ACKR3: variants seen among roughly 807,000 people sequenced by gnomAD.
The protein encoded by ACKR3 is atypical chemokine receptor 3, also known as C-X-C chemokine receptor type 7.
Under a neutral mutation model 22.4 loss-of-function variants are expected in ACKR3, and 6 were observed. The observed-to-expected ratio is 0.27, with a 90% CI of 0.15 to 0.53. ACKR3 has a LOEUF of 0.53. ACKR3 is among the 20% of genes least tolerant of loss of function. The probability of loss-of-function intolerance (pLI) is 0.96; values close to 1 mark genes in which losing one functional copy is unlikely to be tolerated. For missense variants in ACKR3, 396 were observed against 475.2 expected, an observed-to-expected ratio of 0.83 and a Z score of 1.55; for synonymous variants, 209 against 205.2, an observed-to-expected ratio of 1.02 and a Z score of -0.16.
the ACKR3 span, among the ~76,000 whole-genome samples, chr2:236,543,422 A>T: frequency 3.3e-5 from 5 of 152,196 alleles, no homozygotes; most frequent in African/African-American, 1.2e-4. Flanking sequence ...ACTCTGCAGG[A>T]GGTGGTGAAG....
chr2:236,566,702 T>G (rs28452030), upstream of ACKR3, among the ~76,000 whole-genome samples: 26,232 of 148,834 alleles, frequency 0.18, 6,193 homozygotes, highest in African/African-American at 0.54. Context: ...TCTGTCCCTC[T>G]TTCCTTCCTT....
the ACKR3 span, among the ~76,000 whole-genome samples, chr2:236,539,313 T>C: frequency 8.6e-5 from 12 of 139,980 alleles, no homozygotes; most frequent in Admixed American, 1.4e-4. Context: ...TTTCTTTTTT[T>C]TTTTTTTTTT....
chr2:236,546,151 A>T, the ACKR3 span, among the ~76,000 whole-genome samples: 1 of 152,244 alleles, frequency 6.6e-6, no homozygotes, highest in Non-Finnish European at 1.5e-5. The surrounding 1 kb of genome is among the most constrained non-coding windows in gnomAD (Gnocchi z 4.9). Context: ...TCTTGGTCCC[A>T]GGAGAAGCTA....
chr2:236,557,019 G>A, the ACKR3 span, among the ~76,000 whole-genome samples: 171 of 152,282 alleles, frequency 1.1e-3, 1 homozygote, highest in South Asian at 2.1e-3. Context: ...TAACATTATG[G>A]TGATTTGTTT....
In ACKR3 at chr2:236,581,150, G is replaced by C; in HGVS notation, c.685G>C (p.Ala229Pro). The C allele has an allele frequency of 1.9e-6, 3 of 1,614,086 alleles. No homozygotes were observed. Among genetic ancestry groups the C allele is most frequent in the Non-Finnish European group, 2.5e-6 (3 of 1,180,008 alleles). The change falls in exon 2 of 2, where the codon GCT (alanine) becomes CCT (proline). Residue 229 changes from alanine (A) to proline (P), a missense_variant. Physicochemically the swap from Ala to Pro is conservative, Grantham distance 27. Coordinates refer to ENST00000272928, the MANE Select transcript of ACKR3 (RefSeq NM_020311.3). The surrounding 1 kb of genome is among the most constrained non-coding windows in gnomAD (Gnocchi z 4.4). The stretch of plus-strand genomic sequence containing the variant: ...CTTTGCCGTTCCCTTCTCCATTATC[G>C]CTGTCTTCTACTTCCTGCTGGCCAG... ...LGFAVPFSIIAVFYFLLARAI... is the reference protein window; with the variant it reads ...LGFAVPFSIIPVFYFLLARAI...
chr2:236,546,632 G>A, the ACKR3 span, among the ~76,000 whole-genome samples: 1 of 152,222 alleles, frequency 6.6e-6, no homozygotes. This position sits in a 1 kb window ranked among gnomAD's most constrained non-coding sequence, Gnocchi z 4.9. Context: ...ACTACAGGAA[G>A]AGAGGGTTGG....
the ACKR3 span, among the ~76,000 whole-genome samples, chr2:236,553,304 G>A: frequency 1.3e-5 from 2 of 152,352 alleles, no homozygotes; most frequent in East Asian, 3.9e-4. Context: ...TAGACCTGGA[G>A]GGGCAGATGG....
the ACKR3 span, among the ~76,000 whole-genome samples, chr2:236,553,203 C>T: frequency 2.6e-5 from 4 of 152,252 alleles, no homozygotes; most frequent in East Asian, 7.7e-4. Flanking sequence ...TCCTCCTCCC[C>T]CCTGCTGAGG....
chr2:236,540,935 T>A, the ACKR3 span, among the ~76,000 whole-genome samples: 4 of 152,262 alleles, frequency 2.6e-5, no homozygotes, highest in Non-Finnish European at 5.9e-5. Flanking sequence ...AAATACCTGT[T>A]ATAGATTACT....
At position 236,581,350 on chromosome 2, in the gene ACKR3, G is replaced by T. The variant is rs781583037; in HGVS notation, c.885G>T (p.Thr295=). ...FTCRLEHALF[T]ALHVTQCLSL... ...GCCGGCTGGAGCACGCCCTCTTCACGGCCCTGCATGTCACACAGTGCCTGT... is the reference window on the plus strand; with the variant it reads ...GCCGGCTGGAGCACGCCCTCTTCACTGCCCTGCATGTCACACAGTGCCTGT... Residue 295 remains threonine (T), a synonymous_variant, in exon 2 of 2, where the codon ACG becomes ACT. Transcript: ENST00000272928. This position sits in a 1 kb window ranked among gnomAD's most constrained non-coding sequence, Gnocchi z 4.4. The T allele has an allele frequency of 5.0e-6, 8 of 1,613,834 alleles. No homozygotes were observed. The African/African-American group carries it at 1.1e-4, about 22-fold the overall frequency.
the ACKR3 span, among the ~76,000 whole-genome samples, chr2:236,539,352 A>C: frequency 2.8e-4 from 37 of 132,066 alleles, no homozygotes; most frequent in African/African-American, 1.1e-3. Flanking sequence ...TCACTCTGTC[A>C]CCCAGGCTGG....
At chr2:236,550,649 T>C in the ACKR3 span, among the ~76,000 whole-genome samples, 1 of 152,120 alleles carries the variant, frequency 6.6e-6, no homozygotes, top group Non-Finnish European at 1.5e-5. This position sits in a 1 kb window ranked among gnomAD's most constrained non-coding sequence, Gnocchi z 4.6. Context: ...ACCTGACATC[T>C]TGTCGCTGAG....
In ACKR3 at chr2:236,581,036, A is replaced by G; in HGVS notation, c.571A>G (p.Asn191Asp). The G allele has an allele frequency of 1.2e-6, 2 of 1,614,124 alleles. No individual in the cohort carries two copies. Among genetic ancestry groups the G allele is most frequent in the Non-Finnish European group, 1.7e-6 (2 of 1,180,038 alleles). Reference protein sequence around the residue: ...YYLKTVTSASNNETYCRSFYP... With the variant: ...YYLKTVTSASDNETYCRSFYP... ...CCTGAAGACCGTCACGTCTGCGTCC[A>G]ACAATGAGACCTACTGCCGGTCCTT... The change falls in exon 2 of 2, where the codon AAC (asparagine) becomes GAC (aspartate). Residue 191 changes from asparagine to aspartate, a missense_variant. Asn to Asp is a conservative substitution (Grantham distance 23). Transcript: ENST00000272928. The surrounding 1 kb of genome is among the most constrained non-coding windows in gnomAD (Gnocchi z 4.4).
chr2:236,552,312 A>T, the ACKR3 span, among the ~76,000 whole-genome samples: 1 of 152,108 alleles, frequency 6.6e-6, no homozygotes, highest in Non-Finnish European at 1.5e-5. Context: ...CTGGGGAGAG[A>T]AGGGCTGATC....
intron 1 of ACKR3, among the ~76,000 whole-genome samples, chr2:236,572,416 A>G (rs889809400): frequency 3.3e-5 from 5 of 152,240 alleles, no homozygotes; most frequent in Admixed American, 6.5e-5. Flanking sequence ...TAACGAGCCC[A>G]GGGCAGTGTG....
In ACKR3 at chr2:236,580,550, G is replaced by A; in HGVS notation, c.85G>A (p.Val29Met). 6.2e-7 allele frequency: 1 copy of A among 1,614,234 alleles called. No individual in the cohort carries two copies. The highest frequency in any genetic ancestry group is 2.2e-5 in the East Asian group (1 of 44,888). ...ATGCAACAGCAGCGACTGCATCGTG[G>A]TGGACACGGTGATGTGTCCCAACAT... ...WPCNSSDCIV[V>M]DTVMCPNMPN... The change falls in exon 2 of 2, where the codon GTG (valine) becomes ATG (methionine). Residue 29 changes from valine to methionine, a missense_variant. Val to Met is a conservative substitution (Grantham distance 21). Coordinates refer to ENST00000272928, the MANE Select transcript of ACKR3 (RefSeq NM_020311.3).
At chr2:236,543,689 G>C in the ACKR3 span, among the ~76,000 whole-genome samples, 1 of 151,894 alleles carries the variant, frequency 6.6e-6, no homozygotes, top group African/African-American at 2.4e-5. Context: ...CATTTTAATG[G>C]AGTCACTACG....
At chr2:236,546,932 G>T in the ACKR3 span, among the ~76,000 whole-genome samples, 4 of 152,272 alleles carry the variant, frequency 2.6e-5, no homozygotes, top group Non-Finnish European at 4.4e-5. The surrounding 1 kb of genome is among the most constrained non-coding windows in gnomAD (Gnocchi z 4.9). Context: ...GGAGGTGGTT[G>T]TTCCCACTGT....
At chr2:236,546,503 A>G in the ACKR3 span, among the ~76,000 whole-genome samples, 3 of 152,244 alleles carry the variant, frequency 2.0e-5, no homozygotes, top group African/African-American at 4.8e-5. The surrounding 1 kb of genome is among the most constrained non-coding windows in gnomAD (Gnocchi z 4.9). Flanking sequence ...ATTTACAGGT[A>G]TCAGAGTGTG....
Sources: gnomAD v4.1 joint callset for allele counts (sites outside exome capture counted in the v4.1 genomes callset) on GRCh38, gnomAD v4.1.1 for gene constraint, Gnocchi (gnomAD v3.1) non-coding constraint, MANE v1.5 for transcripts, NCBI Gene and HGNC (gene_info 2026-07-23, HGNC 2026-07-21) for gene names.